Variants in IPO13 observed in about 807,000 individuals in gnomAD.
IPO13 encodes importin-13.
A neutral mutation model predicts 115.5 loss-of-function variants in IPO13; 28 were observed. That is an observed-to-expected ratio of 0.24 (90% CI 0.18 to 0.33). IPO13 has a LOEUF of 0.33. Among genes scored for constraint, IPO13 ranks in the 10% least tolerant of loss-of-function variants. IPO13 has a pLI of 1.00. For missense variants in IPO13, 785 were observed against 1,204.6 expected, an observed-to-expected ratio of 0.65 and a Z score of 5.16; for synonymous variants, 414 against 478.9, an observed-to-expected ratio of 0.86 and a Z score of 1.77.
Position 43,960,265 on chromosome 1 carries a change from A to C in IPO13, c.2045A>C (p.Gln682Pro). Residue 682 changes from glutamine (Q) to proline (P), a missense_variant, in exon 12 of 20, where the codon CAG becomes CCG. By Grantham distance (76) the Gln-to-Pro change is moderately conservative (BLOSUM62 -1). This residue lies in a region of IPO13 where 285 missense variants were observed against 394.8 expected (regional missense o/e 0.72). Coordinates refer to ENST00000372343, the MANE Select transcript of IPO13 (RefSeq NM_014652.4). ...QGPNPVVVVL[Q>P]QVFQLIQKVL... ...TGCCTTCAGGTGGTGGTGGTGCTGCAGCAGGTCTTCCAGCTTATCCAGAAG... is the reference window on the plus strand; with the variant it reads ...TGCCTTCAGGTGGTGGTGGTGCTGCCGCAGGTCTTCCAGCTTATCCAGAAG... The C allele has an allele frequency of 6.2e-7, 1 of 1,614,148 alleles. No individual in the cohort carries two copies. Among genetic ancestry groups the C allele is most frequent in the Non-Finnish European group, 8.5e-7 (1 of 1,180,010 alleles).
rs1308017683 is a variant in IPO13 at position 43,958,903 on chromosome 1, G to A, written c.2028+14G>A. ...GGACCCAACCCCGTGGGTGACATTT[G>A]CCCACGGCAAAGACATTTGTCTTTG... On this transcript the variant is annotated intron_variant, in intron 11 of 19. Transcript: ENST00000372343. The surrounding 1 kb of genome is among the most constrained non-coding windows in gnomAD (Gnocchi z 6.3). 14 of 1,612,162 alleles carry A rather than the reference G, an allele frequency of 8.7e-6. No homozygotes were observed. The highest frequency in any genetic ancestry group is 1.2e-5 in the Non-Finnish European group (14 of 1,178,508).
intron 12 of IPO13, 36 bp from the exon 13 acceptor site, chr1:43,960,840 A>C: frequency 1.2e-6 from 2 of 1,612,236 alleles, no homozygotes; most frequent in Non-Finnish European, 1.7e-6. Context: ...GCCAGTCATG[A>C]CCTGCTGACC....
intron 13 of IPO13, 32 bp downstream of exon 13, chr1:43,961,045 C>A (rs2085286104): frequency 1.9e-6 from 3 of 1,613,008 alleles, no homozygotes; most frequent in Non-Finnish European, 1.7e-6. Flanking sequence ...GAGATCCTGA[C>A]CCTGGGTGGG....
rs1448462992 is a variant in IPO13, at chr1:43,952,273, G to A, written c.821+2120G>A. 2.0e-5 allele frequency among the ~76,000 whole-genome samples: 3 copies of A among 152,176 alleles called. No individual in the cohort carries two copies. The highest frequency in any genetic ancestry group is 1.9e-4 in the East Asian group (1 of 5,200). ...CAACCTCCGCCTCCCGGGTTCAAGC[G>A]ATTCTCTTGCCTCAGCCTCCAGAAT... On this transcript the variant is annotated intron_variant, in intron 2 of 19. Transcript: ENST00000372343. The surrounding 1 kb of genome is among the most constrained non-coding windows in gnomAD (Gnocchi z 4.7).
At chr1:43,954,792 A>G (rs535429812) in intron 2 of IPO13, among the ~76,000 whole-genome samples, 8 of 152,308 alleles carry the variant, frequency 5.3e-5, no homozygotes, top group Admixed American at 1.3e-4. Context: ...ATCTATTCCC[A>G]TAACTTCAAT....
intron 1 of IPO13, 91 bp downstream of exon 1, chr1:43,947,775 C>A: frequency 1.4e-6 from 1 of 713,088 alleles, no homozygotes; most frequent in Non-Finnish European, 2.0e-6. Context: ...GGCTGGGTGC[C>A]CGCTGGTATG....
chr1:43,967,426 C>G lies in IPO13; in HGVS notation c.2725C>G (p.Gln909Glu). Residue 909 changes from glutamine (Q) to glutamate (E), a missense_variant, in exon 19 of 20, where the codon CAG becomes GAG. Gln to Glu is a conservative substitution (Grantham distance 29, BLOSUM62 2). Coordinates refer to ENST00000372343, the MANE Select transcript of IPO13 (RefSeq NM_014652.4). The surrounding 1 kb of genome is among the most constrained non-coding windows in gnomAD (Gnocchi z 6.1). ...LLSMWIKEAL[Q>E]PPGFPSARLS... ...GAGCATGTGGATCAAGGAGGCCCTG[C>G]AGCCACCTGGTTTCCCCTCTGCCCG... is the stretch of plus-strand genomic sequence containing the variant. 6.2e-7 allele frequency: 1 copy of G among 1,614,176 alleles called. No individual in the cohort carries two copies. The highest frequency in any genetic ancestry group is 8.5e-7 in the Non-Finnish European group (1 of 1,180,018).
At position 43,947,169 on chromosome 1, in the gene IPO13, G is replaced by A; in HGVS notation, c.-432G>A. On this transcript the variant is annotated 5_prime_UTR_variant, in exon 1 of 20. The change abolishes an upstream ATG in the 5' untranslated region. Transcript: ENST00000372343. Reference sequence around the variant, plus strand: ...CTCTCCCGTGACCCTCCAGCCCCATGACCTGTTCATAGCAGCCGAGAGCTC... The same window carrying A: ...CTCTCCCGTGACCCTCCAGCCCCATAACCTGTTCATAGCAGCCGAGAGCTC... The A allele has an allele frequency of 2.5e-6, 1 of 398,926 alleles. No individual in the cohort carries two copies. The highest frequency in any genetic ancestry group is 4.4e-6 in the Non-Finnish European group (1 of 226,294). 24.7% of individuals were successfully genotyped at this position (398,926 alleles called of 1,614,324 possible).
At chr1:43,955,901 GGCT>G (rs1213195904) in intron 2 of IPO13, among the ~76,000 whole-genome samples, 1 of 151,574 alleles carries the variant, frequency 6.6e-6, no homozygotes, top group African/African-American at 2.4e-5. Flanking sequence ...TGGATGTGGT[GGCT>G]CCACCTGTAA....
Position 43,958,805 on chromosome 1 carries a change from C to T in IPO13, c.1944C>T (p.Phe648=). The change falls in exon 11 of 20, where the codon TTC becomes TTT. Residue 648 remains phenylalanine, a synonymous_variant. Transcript: ENST00000372343. The surrounding 1 kb of genome is among the most constrained non-coding windows in gnomAD (Gnocchi z 6.3). ...TCTTGGGGCTTCTCTCCAACCTCTTCACCACACTGGACATCAGTCATCATG... is the reference window on the plus strand; with the variant it reads ...TCTTGGGGCTTCTCTCCAACCTCTTTACCACACTGGACATCAGTCATCATG... ...VHILGLLSNL[F]TTLDISHHED... is the part of the protein sequence containing the mutation. 1 of 1,614,162 alleles carries T rather than the reference C, an allele frequency of 6.2e-7. No individual in the cohort carries two copies.
chr1:43,961,293 T>C lies in IPO13; in HGVS notation c.2344+31T>C, dbSNP rs536953373. 2.7e-4 allele frequency: 409 copies of C among 1,509,990 alleles called. 6 individuals are homozygous for C. The South Asian group carries it at 3.4e-3, about 12-fold the overall frequency. 93.5% of individuals were successfully genotyped at this position (1,509,990 alleles called of 1,614,324 possible). On this transcript the variant is annotated intron_variant, in intron 14 of 19. Coordinates refer to ENST00000372343, the MANE Select transcript of IPO13 (RefSeq NM_014652.4). The stretch of plus-strand genomic sequence containing the variant: ...TCCTGACCGGGGTCTCTGCTGCTGC[T>C]GCCACTGCCACTGCCTCTGCTTCCC...
At chr1:43,955,536 G>A (rs532939368) in intron 2 of IPO13, among the ~76,000 whole-genome samples, 2 of 152,248 alleles carry the variant, frequency 1.3e-5, no homozygotes, top group African/African-American at 2.4e-5. Flanking sequence ...GTTTGCTGGC[G>A]GTCTTCAGTG....
At position 43,960,996 on chromosome 1, in the gene IPO13, C is replaced by T. The variant is rs769540494; in HGVS notation, c.2230C>T (p.Leu744Phe). 1.2e-6 allele frequency: 2 copies of T among 1,614,206 alleles called. No homozygotes were observed. Among genetic ancestry groups the T allele is most frequent in the Non-Finnish European group, 1.7e-6 (2 of 1,180,028 alleles). The change falls in exon 13 of 20, where the codon CTT (leucine) becomes TTT (phenylalanine). Residue 744 changes from leucine (L) to phenylalanine (F), a missense_variant. Around this residue, in one of 3 missense-constraint regions of IPO13, gnomAD observed 285 missense variants for 394.8 expected, o/e 0.72. Coordinates refer to ENST00000372343, the MANE Select transcript of IPO13 (RefSeq NM_014652.4). ...MYSTIPQASALDLTRQLVHIF... is the reference protein window; with the variant it reads ...MYSTIPQASAFDLTRQLVHIF... The stretch of plus-strand genomic sequence containing the variant: ...CAGCACCATCCCCCAGGCCTCTGCT[C>T]TTGACCTCACTCGACAGGTGGGCCT...
rs781259114 is a variant in IPO13, at chr1:43,958,636, T to C, written c.1884+41T>C. On this transcript the variant is annotated intron_variant, in intron 10 of 19. Transcript: ENST00000372343. This position sits in a 1 kb window ranked among gnomAD's most constrained non-coding sequence, Gnocchi z 6.3. ...GGGCCAGGGAGCGGTACTGAGATGC[T>C]GTGGCTGATGAGGGGTGAGGTTGGA... 5 of 1,613,290 alleles carry C rather than the reference T, an allele frequency of 3.1e-6. No homozygotes were observed. In the South Asian group the frequency reaches 5.5e-5, roughly 18 times the overall value.
At position 43,958,452 on chromosome 1, in the gene IPO13, G is replaced by A. The variant is rs892642245; in HGVS notation, c.1750-9G>A. ...GGCCAGGACTGACCATCCATGTTCT[G>A]CCCCACAGACAAGCCAGTGCATGTG... is the stretch of plus-strand genomic sequence containing the variant. On this transcript the variant is annotated splice_polypyrimidine_tract_variant and intron_variant, in intron 9 of 19. Transcript: ENST00000372343. The surrounding 1 kb of genome is among the most constrained non-coding windows in gnomAD (Gnocchi z 6.3). 2.5e-6 allele frequency: 4 copies of A among 1,613,806 alleles called. No individual in the cohort carries two copies. The Admixed American group carries it at 6.7e-5, about 27-fold the overall frequency.
chr1:43,949,574 C>T lies in IPO13; in HGVS notation c.242C>T (p.Ala81Val). 6.2e-7 allele frequency: 1 copy of T among 1,614,212 alleles called. No homozygotes were observed. The highest frequency in any genetic ancestry group is 1.7e-5 in the Admixed American group (1 of 60,020). ...VPEIQYFGAS[A>V]LHIKISRYWS... ...GAGATCCAGTACTTTGGGGCCAGTG[C>T]TCTTCACATCAAGATCTCTCGCTAC... Residue 81 changes from alanine (A) to valine (V), a missense_variant, in exon 2 of 20, where the codon GCT becomes GTT. By Grantham distance (64) the Ala-to-Val change is moderately conservative. Around this residue, in one of 3 missense-constraint regions of IPO13, gnomAD observed 325 missense variants for 449.8 expected, o/e 0.72. Transcript: ENST00000372343.
At chr1:43,948,828 AT>A (rs1239227311) in intron 1 of IPO13, among the ~76,000 whole-genome samples, 4 of 152,210 alleles carry the variant, frequency 2.6e-5, no homozygotes, top group Non-Finnish European at 5.9e-5. Flanking sequence ...CTCTGGATCA[AT>A]TGGTTGGACA....
At chr1:43,950,988 G>C (rs1425946985) in intron 2 of IPO13, among the ~76,000 whole-genome samples, 1 of 152,176 alleles carries the variant, frequency 6.6e-6, no homozygotes. Flanking sequence ...GCACATGGTA[G>C]CATTTGATAT....
In IPO13 at chr1:43,964,341, A is replaced by T; in HGVS notation, c.2397+20A>T. The stretch of plus-strand genomic sequence containing the variant: ...GCACAGGTGTGTTTTAGTTTTATTC[A>T]TTCACGTTCTGTTCTCTCTCTTTCT... On this transcript the variant is annotated intron_variant, in intron 15 of 19. Transcript: ENST00000372343. 1 of 1,556,764 alleles carries T rather than the reference A, an allele frequency of 6.4e-7. No individual in the cohort carries two copies. Among genetic ancestry groups the T allele is most frequent in the Non-Finnish European group, 8.8e-7 (1 of 1,129,966 alleles).
Sources: allele counts gnomAD v4.1 joint callset (sites outside exome capture counted in the v4.1 genomes callset), GRCh38; gene constraint gnomAD v4.1.1; regional missense constraint gnomAD v4.1.1; non-coding constraint Gnocchi (gnomAD v3.1); transcripts MANE v1.5; gene names NCBI Gene and HGNC (gene_info 2026-07-23, HGNC 2026-07-21).